Variants in ASIC2 observed in about 807,000 individuals in gnomAD.
The protein encoded by ASIC2 is acid sensing ion channel subunit 2.
A neutral mutation model predicts 57.3 loss-of-function variants in ASIC2; 25 were observed. The ratio of observed to expected loss-of-function variants is 0.44; its 90% CI spans 0.32 to 0.61. ASIC2 has a LOEUF of 0.61. Ranked by LOEUF, ASIC2 falls within the 20% of genes least tolerant of loss-of-function variation. ASIC2 has a pLI of 0.06. For synonymous variants in ASIC2, 319 were observed against 307.5 expected (o/e 1.04, Z -0.39); for missense variants, 641 against 738.1 (o/e 0.87, Z 1.52).
At chr17:33,054,627 A>G (rs769766577) in intron 3 of ASIC2, among the ~76,000 whole-genome samples, 3 of 152,166 alleles carry the variant, frequency 2.0e-5, no homozygotes, top group Non-Finnish European at 4.4e-5. Flanking sequence ...ATCATTAGAG[A>G]AAAGCTTATG....
chr17:33,918,124 G>A (rs943676930), intron 1 of ASIC2, among the ~76,000 whole-genome samples: 5 of 152,078 alleles, frequency 3.3e-5, no homozygotes, highest in Non-Finnish European at 5.9e-5. Flanking sequence ...CTTTACTTAT[G>A]ATGTTTCCTT....
chr17:33,736,847 G>C (rs949108368), intron 1 of ASIC2, among the ~76,000 whole-genome samples: 14 of 152,174 alleles, frequency 9.2e-5, no homozygotes, highest in African/African-American at 3.4e-4. Flanking sequence ...ACACGGAAAC[G>C]TGCTTTTATT....
At chr17:33,537,814 C>T (rs562585475) in intron 1 of ASIC2, among the ~76,000 whole-genome samples, 2 of 152,174 alleles carry the variant, frequency 1.3e-5, no homozygotes, top group Admixed American at 6.5e-5. Context: ...GAGTGTACGC[C>T]GAGCCTCAGG....
chr17:33,876,670 T>C (rs984281987), intron 1 of ASIC2, among the ~76,000 whole-genome samples: 4 of 152,150 alleles, frequency 2.6e-5, no homozygotes, highest in Non-Finnish European at 1.5e-5. Context: ...CCAGCAGTCA[T>C]CTAGAATTTG....
intron 1 of ASIC2, among the ~76,000 whole-genome samples, chr17:33,403,933 A>C (rs1316790948): frequency 6.6e-6 from 1 of 152,214 alleles, no homozygotes; most frequent in East Asian, 1.9e-4. Flanking sequence ...AGTAACTTAC[A>C]GAGAGACCCA....
chr17:33,541,458 G>C (rs768274196), intron 1 of ASIC2: 1 of 152,160 alleles, frequency 6.6e-6, no homozygotes, highest in African/African-American at 2.4e-5. Context: ...CATCCAAACT[G>C]CAGGGGAGCC....
At chr17:33,248,612 AG>A (rs1230236730) in intron 1 of ASIC2, among the ~76,000 whole-genome samples, 4 of 152,234 alleles carry the variant, frequency 2.6e-5, no homozygotes, top group Non-Finnish European at 5.9e-5. Flanking sequence ...TTGTGTCAGC[AG>A]GTCCACACAC....
At chr17:33,539,296 C>T (rs1009688187) in intron 1 of ASIC2, among the ~76,000 whole-genome samples, 4 of 152,222 alleles carry the variant, frequency 2.6e-5, no homozygotes, top group African/African-American at 9.6e-5. Context: ...ATGGAGAGCC[C>T]TTCTGGACTT....
At chr17:33,509,403 G>C (rs758758151) in intron 1 of ASIC2, among the ~76,000 whole-genome samples, 1 of 152,192 alleles carries the variant, frequency 6.6e-6, no homozygotes. Flanking sequence ...GAGGCTTAGG[G>C]AGCTTAACCT....
intron 1 of ASIC2, among the ~76,000 whole-genome samples, chr17:33,361,480 T>C (rs1180090539): frequency 1.3e-5 from 2 of 152,130 alleles, no homozygotes; most frequent in Non-Finnish European, 2.9e-5. Flanking sequence ...TACACAGAAG[T>C]AGGAAATATT....
intron 1 of ASIC2, among the ~76,000 whole-genome samples, chr17:33,962,766 A>G (rs1904964882): frequency 6.6e-6 from 1 of 152,184 alleles, no homozygotes; most frequent in African/African-American, 2.4e-5. Context: ...TTCATGCTCC[A>G]TTCCAAAGAG....
intron 1 of ASIC2, among the ~76,000 whole-genome samples, chr17:33,669,163 C>A (rs1263158720): frequency 6.6e-6 from 1 of 152,136 alleles, no homozygotes; most frequent in Non-Finnish European, 1.5e-5. Context: ...GGTAAGTGAC[C>A]AAATTTCATA....
At chr17:33,260,260 G>A (rs1278697424) in intron 1 of ASIC2, among the ~76,000 whole-genome samples, 1 of 152,176 alleles carries the variant, frequency 6.6e-6, no homozygotes, top group African/African-American at 2.4e-5. Context: ...GGGCCACACT[G>A]CCCATTTCCT....
At chr17:33,128,260 C>T (rs1264263918) in intron 1 of ASIC2, among the ~76,000 whole-genome samples, 1 of 152,210 alleles carries the variant, frequency 6.6e-6, no homozygotes, top group Non-Finnish European at 1.5e-5. Context: ...CAAATCTCAG[C>T]TGGCTCTTCC....
intron 1 of ASIC2, among the ~76,000 whole-genome samples, chr17:33,439,583 T>C (rs565713417): frequency 1.3e-5 from 2 of 152,268 alleles, no homozygotes; most frequent in South Asian, 2.1e-4. Flanking sequence ...TCCATACTCA[T>C]TGGTGCTTTA....
At chr17:34,043,790 G>A (rs917446913) in intron 1 of ASIC2, among the ~76,000 whole-genome samples, 1 of 152,156 alleles carries the variant, frequency 6.6e-6, no homozygotes, top group African/African-American at 2.4e-5. Flanking sequence ...GCAGATGGGG[G>A]CAATGGACTG....
chr17:33,065,678 G>C (rs186498820), intron 3 of ASIC2, among the ~76,000 whole-genome samples: 126 of 152,098 alleles, frequency 8.3e-4, no homozygotes, highest in African/African-American at 2.9e-3. Flanking sequence ...TATTTGTTAA[G>C]TGTCTACCAT....
At chr17:33,403,515 G>A (rs1475593442) in intron 1 of ASIC2, among the ~76,000 whole-genome samples, 2 of 152,190 alleles carry the variant, frequency 1.3e-5, no homozygotes, top group African/African-American at 4.8e-5. Context: ...CAGAAAAAAT[G>A]TTTTAAACAA....
intron 1 of ASIC2, among the ~76,000 whole-genome samples, chr17:33,656,399 T>C (rs535412761): frequency 6.6e-6 from 1 of 152,312 alleles, no homozygotes; most frequent in South Asian, 2.1e-4. Context: ...GGCTTGCTTG[T>C]ATCTCTAAGT....
Sources: gnomAD v4.1 joint callset for allele counts (sites outside exome capture counted in the v4.1 genomes callset) on GRCh38, gnomAD v4.1.1 for gene constraint, MANE v1.5 for transcripts, NCBI Gene and HGNC (gene_info 2026-07-23, HGNC 2026-07-21) for gene names.